The following TRIM14 variants were observed in gnomAD, a reference collection of about 807,000 sequenced individuals.
The protein encoded by TRIM14 is tripartite motif containing 14.
In TRIM14, 28 loss-of-function variants were observed where a neutral mutation model predicts 44.5. The ratio of observed to expected loss-of-function variants is 0.63; its 90% confidence interval spans 0.47 to 0.86. The LOEUF is 0.86. TRIM14 is among the 40% of genes least tolerant of loss of function. The probability of loss-of-function intolerance (pLI) is 0.00; values close to 1 mark genes in which losing one functional copy is unlikely to be tolerated. For synonymous variants in TRIM14, 299 were observed against 269.2 expected (o/e 1.11, Z -1.08); for missense variants, 607 against 611.1 (o/e 0.99, Z 0.07).
At position 98,100,048 on chromosome 9, in the gene TRIM14, G is replaced by T. The variant is rs767132183; in HGVS notation, c.420C>A (p.Thr140=). The T allele has an allele frequency of 3.7e-5, 59 of 1,614,012 alleles. No homozygotes were observed. Among genetic ancestry groups the T allele is most frequent in the Non-Finnish European group, 4.9e-5 (58 of 1,180,036 alleles). Residue 140 remains threonine (T), a synonymous_variant, in exon 3 of 6, where the codon ACC becomes ACA. Coordinates refer to ENST00000341469, the MANE Select transcript of TRIM14 (RefSeq NM_014788.4). ...CAGCTTGTTCCCTGTACACCTGGAG[G>T]GTAAGCTGCGTGTTTTTATCAATGA... is the stretch of plus-strand genomic sequence containing the variant. ...KKFIDKNTQL[T]LQVYREQADS...
intron 1 of TRIM14, among the ~76,000 whole-genome samples, chr9:98,113,918 C>G (rs971166463): frequency 6.6e-6 from 1 of 152,036 alleles, no homozygotes; most frequent in African/African-American, 2.4e-5. Context: ...CTATTTTGAT[C>G]ATGTGTTTTA....
At chr9:98,047,044 G>A in the TRIM14 span, among the ~76,000 whole-genome samples, 3 of 152,234 alleles carry the variant, frequency 2.0e-5, no homozygotes, top group South Asian at 6.2e-4. Context: ...GCTTTGTTGT[G>A]TCCCCAACTA....
At chr9:98,079,958 A>C (rs1829778738), downstream of TRIM14, among the ~76,000 whole-genome samples, 1 of 152,240 alleles carries the variant, frequency 6.6e-6, no homozygotes, top group African/African-American at 2.4e-5. Flanking sequence ...TCATGCCAGT[A>C]GTCCCAGCAC....
chr9:98,036,910 A>G, the TRIM14 span, among the ~76,000 whole-genome samples: 1 of 152,246 alleles, frequency 6.6e-6, no homozygotes, highest in Non-Finnish European at 1.5e-5. Context: ...TGACAATGCA[A>G]GGCTCCAGGC....
intron 2 of TRIM14, among the ~76,000 whole-genome samples, chr9:98,103,836 C>CAAAAAAAAAA (rs60368742): frequency 4.0e-5 from 3 of 74,584 alleles, no homozygotes; most frequent in Non-Finnish European, 5.3e-5. Context: ...GACTCCGTCT[C>CAAAAAAAAAA]AAAAAAAAAA....
chr9:98,096,759 T>C (rs1826200966), intron 3 of TRIM14, among the ~76,000 whole-genome samples: 1 of 152,082 alleles, frequency 6.6e-6, no homozygotes, highest in Non-Finnish European at 1.5e-5. Flanking sequence ...GCCACCATCA[T>C]CTCTCTCCTG....
intron 1 of TRIM14, among the ~76,000 whole-genome samples, chr9:98,117,570 C>T (rs111989041): frequency 6.6e-6 from 1 of 152,170 alleles, no homozygotes; most frequent in Admixed American, 6.6e-5. Context: ...GCTGGGATTA[C>T]AGGCATGAGC....
the TRIM14 span, among the ~76,000 whole-genome samples, chr9:98,055,248 A>G: frequency 6.6e-6 from 1 of 152,020 alleles, no homozygotes; most frequent in African/African-American, 2.4e-5. Flanking sequence ...CGAACTCCTG[A>G]CCTCAGGTGA....
chr9:98,087,460 G>C lies in TRIM14; in HGVS notation c.*10C>G, dbSNP rs758672601. 12 of 1,606,368 alleles carry C rather than the reference G, an allele frequency of 7.5e-6. 1 individual carries two copies. The highest frequency in any genetic ancestry group is 3.3e-4 in the Middle Eastern group (2 of 6,006). On this transcript the variant is annotated 3_prime_UTR_variant, in exon 6 of 6. Transcript: ENST00000341469. ...GGCGTACCTGGAGGCTGTCACGCCG[G>C]TCCTGGCCCCTAGGGCAGCCGGGGG...
chr9:98,091,390 G>C (rs931971961), intron 5 of TRIM14, among the ~76,000 whole-genome samples: 1 of 152,078 alleles, frequency 6.6e-6, no homozygotes, highest in Non-Finnish European at 1.5e-5. Flanking sequence ...CCAAGAGGTC[G>C]AGGCTGCAGT....
At chr9:98,056,722 A>G in the TRIM14 span, 4 of 1,508,282 alleles carry the variant, frequency 2.7e-6, no homozygotes, top group Non-Finnish European at 3.5e-6. Flanking sequence ...TGGGTCTCGC[A>G]GCGTTGCTCA....
At chr9:98,096,057 G>A (rs1329065633) in intron 3 of TRIM14, among the ~76,000 whole-genome samples, 2 of 152,228 alleles carry the variant, frequency 1.3e-5, no homozygotes, top group East Asian at 1.9e-4. Flanking sequence ...GGAGTTGGAA[G>A]GAAGATGACT....
At chr9:98,069,074 G>A (rs531049334), downstream of TRIM14, among the ~76,000 whole-genome samples, 2 of 152,258 alleles carry the variant, frequency 1.3e-5, no homozygotes, top group South Asian at 4.1e-4. Flanking sequence ...TGACCCACCA[G>A]TTGTCATTTG....
the TRIM14 span, among the ~76,000 whole-genome samples, chr9:98,046,178 G>A: frequency 3.3e-5 from 5 of 152,064 alleles, no homozygotes; most frequent in Non-Finnish European, 5.9e-5. Context: ...TTAATCAAGG[G>A]AACCCGAGAG....
chr9:98,061,064 C>A, the TRIM14 span: 2 of 1,529,276 alleles, frequency 1.3e-6, no homozygotes, highest in Non-Finnish European at 9.0e-7. Flanking sequence ...AGCCTGGTGA[C>A]TTCCGGCTTA....
At position 98,100,060 on chromosome 9, in the gene TRIM14, G is replaced by A. The variant is rs756814997; in HGVS notation, c.408C>T (p.Asn136=). 15 of 1,614,064 alleles carry A rather than the reference G, an allele frequency of 9.3e-6. No homozygotes were observed. Among genetic ancestry groups the A allele is most frequent in the African/African-American group, 1.3e-5 (1 of 74,914 alleles). The change falls in exon 3 of 6, where the codon AAC becomes AAT. Residue 136 remains asparagine, a synonymous_variant. Transcript: ENST00000341469. ...TGTACACCTGGAGGGTAAGCTGCGT[G>A]TTTTTATCAATGAATTTCTTGGCCA... ...EALAKKFIDK[N]TQLTLQVYRE...
At chr9:98,058,800 G>A in the TRIM14 span, among the ~76,000 whole-genome samples, 1 of 152,152 alleles carries the variant, frequency 6.6e-6, no homozygotes, top group Admixed American at 6.5e-5. Flanking sequence ...GCAGCCTTTA[G>A]GAAAGGGATC....
At chr9:98,076,028 A>G (rs1312403236) in intron 6 of TRIM14, 1 of 152,042 alleles carries the variant, frequency 6.6e-6, no homozygotes, top group Admixed American at 6.6e-5. Flanking sequence ...TAAATAGGTA[A>G]CCTCAAGCAG....
At chr9:98,091,552 A>G (rs922002155) in intron 5 of TRIM14, among the ~76,000 whole-genome samples, 1 of 152,204 alleles carries the variant, frequency 6.6e-6, no homozygotes, top group African/African-American at 2.4e-5. Context: ...ACAGATGACA[A>G]AACAGTATGT....
Sources: allele counts gnomAD v4.1 joint callset (sites outside exome capture counted in the v4.1 genomes callset), GRCh38; gene constraint gnomAD v4.1.1; transcripts MANE v1.5; gene names NCBI Gene and HGNC (gene_info 2026-07-23, HGNC 2026-07-21).